Variants in ATXN7L1 observed in about 807,000 individuals in gnomAD.
ATXN7L1 encodes the protein ataxin 7 like 1, also known as ataxin-7-like protein 1.
A neutral mutation model predicts 70.8 loss-of-function variants in ATXN7L1; 15 were observed. That is an observed-to-expected ratio of 0.21 (90% CI 0.14 to 0.33). The LOEUF (loss-of-function observed/expected upper bound fraction) is 0.33, where lower values mean the gene tolerates loss of function less well. Ranked by LOEUF, ATXN7L1 falls within the 10% of genes least tolerant of loss-of-function variation. The probability of loss-of-function intolerance (pLI) is 1.00; values close to 1 mark genes in which losing one functional copy is unlikely to be tolerated. For missense variants in ATXN7L1, 975 were observed against 1,097.1 expected (o/e 0.89, Z 1.57); for synonymous variants, 440 against 445.1 (o/e 0.99, Z 0.14).
At chr7:105,610,463 CA>C in intron 11 of ATXN7L1, 65 bp downstream of exon 11, 1 of 1,396,962 alleles carries the variant, frequency 7.2e-7, no homozygotes, top group Non-Finnish European at 9.9e-7. Context: ...CCCCAGTGTC[CA>C]AACTCTTTCC....
intron 9 of ATXN7L1, among the ~76,000 whole-genome samples, chr7:105,615,907 T>C (rs1211276172): frequency 6.6e-6 from 1 of 152,168 alleles, no homozygotes; most frequent in Non-Finnish European, 1.5e-5. Context: ...TGATTTGCGC[T>C]GGGAGTGACT....
intron 4 of ATXN7L1, among the ~76,000 whole-genome samples, chr7:105,664,575 G>GTATATATATA (rs1554416470): frequency 1.5e-5 from 2 of 131,974 alleles, no homozygotes; most frequent in Non-Finnish European, 3.3e-5. Context: ...GTATGTGTGT[G>GTATATATATA]TATATATATA....
chr7:105,875,627 A>C (rs143444524), intron 2 of ATXN7L1, among the ~76,000 whole-genome samples, 185 bp downstream of exon 2: 7,371 of 94,378 alleles, frequency 0.078, 14 homozygotes, highest in East Asian at 0.099. Context: ...ACCCCCCTTT[A>C]CCCCCCCCCC....
chr7:105,619,401 A>G (rs1403011862), intron 9 of ATXN7L1, among the ~76,000 whole-genome samples: 1 of 144,458 alleles, frequency 6.9e-6, no homozygotes, highest in Non-Finnish European at 1.5e-5. Flanking sequence ...CGCTCGCCTC[A>G]GCCTCACAAA....
At chr7:105,804,611 T>C (rs1466214473) in intron 2 of ATXN7L1, among the ~76,000 whole-genome samples, 2 of 152,174 alleles carry the variant, frequency 1.3e-5, no homozygotes, top group African/African-American at 2.4e-5. Context: ...TGATAGACCC[T>C]TAAGGAGAAG....
intron 3 of ATXN7L1, among the ~76,000 whole-genome samples, chr7:105,713,801 TA>T (rs5886366): frequency 0.22 from 33,703 of 152,146 alleles, 3,780 homozygotes; most frequent in Non-Finnish European, 0.24. Context: ...GGGTAAGCCT[TA>T]AAGATCCATG....
intron 3 of ATXN7L1, among the ~76,000 whole-genome samples, chr7:105,751,770 C>T (rs1264456433): frequency 6.6e-6 from 1 of 152,252 alleles, no homozygotes; most frequent in Non-Finnish European, 1.5e-5. Flanking sequence ...TTGAAGACTA[C>T]TCATCTACCA....
At chr7:105,626,376 G>C (rs1795696231) in intron 7 of ATXN7L1, among the ~76,000 whole-genome samples, 1 of 152,090 alleles carries the variant, frequency 6.6e-6, no homozygotes, top group Admixed American at 6.6e-5. Flanking sequence ...ATAGGGAGGG[G>C]GTATTTAGTG....
At chr7:105,752,581 G>C (rs1298787380) in intron 3 of ATXN7L1, among the ~76,000 whole-genome samples, 1 of 152,146 alleles carries the variant, frequency 6.6e-6, no homozygotes, top group African/African-American at 2.4e-5. Flanking sequence ...TTCCCAGGTG[G>C]CTCAAACATG....
At chr7:105,773,346 T>C (rs1452758333) in intron 3 of ATXN7L1, among the ~76,000 whole-genome samples, 1 of 152,234 alleles carries the variant, frequency 6.6e-6, no homozygotes, top group Non-Finnish European at 1.5e-5. Context: ...AAGCTGCTCT[T>C]GGTACATTCC....
In ATXN7L1 at chr7:105,715,342, A is replaced by G. The variant is rs73717257; in HGVS notation, c.356-50054T>C. On this transcript the variant is annotated intron_variant, in intron 3 of 11. Coordinates refer to ENST00000419735, the MANE Select transcript of ATXN7L1 (RefSeq NM_020725.2). ...GTTCACGTGGGCATCAAGTGAGATA[A>G]CTAGGTAAAGTGCTGTGCTCCATAT... Among the ~76,000 whole-genome samples, 439 of 152,354 alleles carry G rather than the reference A, an allele frequency of 2.9e-3. 3 individuals are homozygous for G. Among genetic ancestry groups the G allele is most frequent in the Middle Eastern group, 0.017 (5 of 294 alleles).
Position 105,639,583 on chromosome 7 carries a change from C to A in ATXN7L1, c.863-14G>T, listed in dbSNP as rs901234316. ...CAAATTCTCTCTCTGGTTTAAGAAA[C>A]AAACAAAAAATATAAGAAAAAAGGA... On this transcript the variant is annotated splice_polypyrimidine_tract_variant and intron_variant, in intron 5 of 11. Coordinates refer to ENST00000419735, the MANE Select transcript of ATXN7L1 (RefSeq NM_020725.2). 6.5e-7 allele frequency: 1 copy of A among 1,528,006 alleles called. No individual in the cohort carries two copies. Among genetic ancestry groups the A allele is most frequent in the Admixed American group, 2.0e-5 (1 of 49,334 alleles). The allele number at this position is 1,528,006 out of a possible 1,614,324, so 94.7% of individuals were successfully genotyped here.
intron 7 of ATXN7L1, among the ~76,000 whole-genome samples, chr7:105,632,572 A>G (rs1395546545): frequency 1.3e-5 from 2 of 152,222 alleles, no homozygotes; most frequent in African/African-American, 2.4e-5. Context: ...GAGGATAAGT[A>G]TCTCCAGATT....
intron 7 of ATXN7L1, among the ~76,000 whole-genome samples, chr7:105,626,945 T>G (rs1156957124): frequency 6.6e-6 from 1 of 152,246 alleles, no homozygotes; most frequent in Non-Finnish European, 1.5e-5. Context: ...TTTTGAGAGA[T>G]GCTTTTTAAA....
intron 3 of ATXN7L1, among the ~76,000 whole-genome samples, chr7:105,752,723 A>G (rs1799352622): frequency 2.0e-5 from 3 of 152,118 alleles, no homozygotes; most frequent in South Asian, 2.1e-4. Context: ...AGGTCTGGTT[A>G]TTTTTCCTAA....
chr7:105,783,799 A>C (rs561670589), intron 3 of ATXN7L1, among the ~76,000 whole-genome samples: 7 of 152,332 alleles, frequency 4.6e-5, no homozygotes, highest in African/African-American at 1.7e-4. Flanking sequence ...CAATTATTGA[A>C]CATAAGGAGG....
At chr7:105,788,546 G>A (rs1024179377) in intron 3 of ATXN7L1, 58 bp downstream of exon 3, 5 of 1,401,992 alleles carry the variant, frequency 3.6e-6, no homozygotes, top group Non-Finnish European at 5.1e-6. Context: ...CCAGGGGAAG[G>A]CGACTGTCCC....
chr7:105,709,576 C>T (rs558212667), intron 3 of ATXN7L1, among the ~76,000 whole-genome samples: 3 of 152,230 alleles, frequency 2.0e-5, no homozygotes, highest in African/African-American at 4.8e-5. Flanking sequence ...GGGTTAGGTA[C>T]CAGACAACTA....
intron 2 of ATXN7L1, among the ~76,000 whole-genome samples, chr7:105,822,922 T>C (rs746392121): frequency 6.6e-6 from 1 of 152,214 alleles, no homozygotes; most frequent in Non-Finnish European, 1.5e-5. Flanking sequence ...ATCACTAATG[T>C]ATTAGACTAG....
Sources: allele counts gnomAD v4.1 joint callset (sites outside exome capture counted in the v4.1 genomes callset), GRCh38; gene constraint gnomAD v4.1.1; transcripts MANE v1.5; gene names NCBI Gene and HGNC (gene_info 2026-07-23, HGNC 2026-07-21).